The following XKR4 variants were observed in gnomAD, a reference collection of about 807,000 sequenced individuals.
The protein encoded by XKR4 is XK-related protein 4.
In XKR4, 12 loss-of-function variants were observed where a neutral mutation model predicts 53.9. That is an observed-to-expected ratio of 0.22 (90% CI 0.14 to 0.36). XKR4 has a LOEUF of 0.36. Ranked by LOEUF, XKR4 falls within the 10% of genes least tolerant of loss-of-function variation. The probability of loss-of-function intolerance (pLI) is 1.00; values close to 1 mark genes in which losing one functional copy is unlikely to be tolerated. For synonymous variants in XKR4, 354 were observed against 362.4 expected (o/e 0.98, Z 0.26); for missense variants, 799 against 859.5 (o/e 0.93, Z 0.88).
chr8:55,364,839 C>G (rs1803952786), intron 2 of XKR4, among the ~76,000 whole-genome samples: 1 of 152,198 alleles, frequency 6.6e-6, no homozygotes, highest in East Asian at 1.9e-4. Context: ...TCCATGTTGG[C>G]CAGGCTGGTC....
At chr8:55,449,622 T>C (rs1291004491) in intron 2 of XKR4, 1 of 1,062,328 alleles carries the variant, frequency 9.4e-7, no homozygotes, top group African/African-American at 1.6e-5. Flanking sequence ...AAGAAGGCCT[T>C]CTCATCCACG....
intron 1 of XKR4, among the ~76,000 whole-genome samples, chr8:55,243,191 T>C (rs747608176): frequency 2.0e-5 from 3 of 152,176 alleles, no homozygotes; most frequent in Non-Finnish European, 4.4e-5. Context: ...GACACATCAT[T>C]ATCACCCAGA....
chr8:55,205,689 T>C (rs977735788), intron 1 of XKR4, among the ~76,000 whole-genome samples: 5 of 152,216 alleles, frequency 3.3e-5, no homozygotes, highest in Admixed American at 2.0e-4. Context: ...AGTAAAGTTT[T>C]ATATTTGATA....
chr8:55,145,430 C>CAA (rs3048693), intron 1 of XKR4, among the ~76,000 whole-genome samples: 41,745 of 149,686 alleles, frequency 0.28, 5,857 homozygotes, highest in South Asian at 0.36. Flanking sequence ...AATTTTTTCT[C>CAA]AAAAAAAAAA....
intron 2 of XKR4, among the ~76,000 whole-genome samples, chr8:55,409,033 C>T (rs1563343085): frequency 1.3e-5 from 2 of 150,214 alleles, no homozygotes. Flanking sequence ...AAAGGAGCCA[C>T]AGCACCAGGA....
intron 2 of XKR4, among the ~76,000 whole-genome samples, chr8:55,363,358 G>A (rs970149362): frequency 6.6e-6 from 1 of 152,192 alleles, no homozygotes; most frequent in African/African-American, 2.4e-5. Context: ...TGAATACTTC[G>A]TGAAAGGAAA....
chr8:55,334,598 C>G (rs1321543935), intron 1 of XKR4, among the ~76,000 whole-genome samples: 1 of 152,182 alleles, frequency 6.6e-6, no homozygotes, highest in Non-Finnish European at 1.5e-5. Flanking sequence ...CTGGACCCCT[C>G]TCTTCACTCC....
At chr8:55,412,359 G>T (rs1444876060) in intron 2 of XKR4, among the ~76,000 whole-genome samples, 1 of 152,186 alleles carries the variant, frequency 6.6e-6, no homozygotes, top group East Asian at 1.9e-4. Flanking sequence ...TAGCCATCAT[G>T]CCAGTTCATA....
chr8:55,475,663 G>T (rs1406664375), intron 2 of XKR4, among the ~76,000 whole-genome samples: 2 of 151,688 alleles, frequency 1.3e-5, no homozygotes, highest in African/African-American at 4.9e-5. Context: ...GAGTGCAGTG[G>T]CATGATCTTG....
chr8:55,393,769 A>T lies in XKR4; in HGVS notation c.1006+35892A>T, dbSNP rs1585553477. Among the ~76,000 whole-genome samples, 3 of 152,306 alleles carry T rather than the reference A, an allele frequency of 2.0e-5. No individual in the cohort carries two copies. The South Asian group carries it at 6.2e-4, about 32-fold the overall frequency. ...ATAGAAGTTGAGTTGGTAATAATAAACAAACGTCCCTTTTAAAGACATTGA... is the reference window on the plus strand; with the variant it reads ...ATAGAAGTTGAGTTGGTAATAATAATCAAACGTCCCTTTTAAAGACATTGA... On this transcript the variant is annotated intron_variant, in intron 2 of 2. Coordinates refer to ENST00000327381, the MANE Select transcript of XKR4 (RefSeq NM_052898.2).
intron 1 of XKR4, among the ~76,000 whole-genome samples, chr8:55,289,566 A>T (rs1818953542): frequency 8.8e-6 from 1 of 113,590 alleles, no homozygotes; most frequent in South Asian, 3.3e-4. Flanking sequence ...GGAAGGAAGG[A>T]AGGAGAGAGA....
At position 55,102,647 on chromosome 8, in the gene XKR4, C is replaced by A. The variant is rs765550725; in HGVS notation, c.159C>A (p.Gly53=). Residue 53 remains glycine, a synonymous_variant, in exon 1 of 3, where the codon GGC becomes GGA. Coordinates refer to ENST00000327381, the MANE Select transcript of XKR4 (RefSeq NM_052898.2). The surrounding 1 kb of genome is among the most constrained non-coding windows in gnomAD (Gnocchi z 5.1). The stretch of plus-strand genomic sequence containing the variant: ...AGGACGAGGAGGCGGCCGGGGGCGG[C>A]TGCTGCCCGGACGGCGGCGGCTGCT... ...GAEDEEAAGG[G]CCPDGGGCSR... 5.3e-6 allele frequency: 7 copies of A among 1,325,842 alleles called. No individual in the cohort carries two copies. The East Asian group carries it at 1.8e-4, about 34-fold the overall frequency. The allele number at this position is 1,325,842 out of a possible 1,614,324, so 82.1% of individuals were successfully genotyped here.
chr8:55,334,111 C>T (rs1280207840), intron 1 of XKR4, among the ~76,000 whole-genome samples: 1 of 152,006 alleles, frequency 6.6e-6, no homozygotes, highest in Non-Finnish European at 1.5e-5. Flanking sequence ...AATGAAAGAC[C>T]TACTAATTAA....
In XKR4 at chr8:55,526,466, G is replaced by C. The variant is rs1383308591; in HGVS notation, c.*2239G>C. 1 of 152,156 alleles carries C rather than the reference G, an allele frequency of 6.6e-6. No homozygotes were observed. The highest frequency in any genetic ancestry group is 1.5e-5 in the Non-Finnish European group (1 of 68,022). The allele number at this position is 152,156 out of a possible 1,614,324, so 9.4% of individuals were successfully genotyped here. A position where few individuals can be genotyped will look rare whatever the true frequency, so the allele number is the denominator to read the frequency against. On this transcript the variant is annotated 3_prime_UTR_variant, in exon 3 of 3. Transcript: ENST00000327381. ...TGTTGGGATGTGGAAAGATTACCTA[G>C]TCACCAGTAAAGGCCCAGGAAAAGG... is the stretch of plus-strand genomic sequence containing the variant.
chr8:55,257,748 T>C lies in XKR4; in HGVS notation c.807-99930T>C, dbSNP rs555014468. Among the ~76,000 whole-genome samples the C allele has an allele frequency of 4.7e-4, 72 of 152,322 alleles. 1 individual carries two copies. Among genetic ancestry groups the C allele is most frequent in the Non-Finnish European group, 8.8e-4 (60 of 68,024 alleles). On this transcript the variant is annotated intron_variant, in intron 1 of 2. Transcript: ENST00000327381. ...TTGAACTGATACTGTGGCTTTTCACTCTCAAATAAAGGAAACACATTTCCA... is the reference window on the plus strand; with the variant it reads ...TTGAACTGATACTGTGGCTTTTCACCCTCAAATAAAGGAAACACATTTCCA...
intron 1 of XKR4, among the ~76,000 whole-genome samples, chr8:55,221,129 C>A (rs569236071): frequency 6.6e-6 from 1 of 152,284 alleles, no homozygotes; most frequent in South Asian, 2.1e-4. Context: ...GCTGGCCGGC[C>A]AATGTGGAGC....
intron 2 of XKR4, among the ~76,000 whole-genome samples, chr8:55,493,717 A>G (rs1211070898): frequency 6.6e-6 from 1 of 152,204 alleles, no homozygotes; most frequent in Non-Finnish European, 1.5e-5. Flanking sequence ...TGAAAAGTCA[A>G]CCTATATCTG....
chr8:55,137,153 A>C (rs1373627502), intron 1 of XKR4, among the ~76,000 whole-genome samples: 1 of 152,190 alleles, frequency 6.6e-6, no homozygotes, highest in African/African-American at 2.4e-5. Context: ...CTGGGAAGAT[A>C]GCCCAATAAT....
At chr8:55,499,710 G>A (rs996641426) in intron 2 of XKR4, among the ~76,000 whole-genome samples, 3 of 152,186 alleles carry the variant, frequency 2.0e-5, no homozygotes, top group African/African-American at 2.4e-5. Flanking sequence ...AGAGAGAGCC[G>A]TCACACACTA....
Sources: allele counts gnomAD v4.1 joint callset (sites outside exome capture counted in the v4.1 genomes callset), GRCh38; gene constraint gnomAD v4.1.1; non-coding constraint Gnocchi (gnomAD v3.1); transcripts MANE v1.5; gene names NCBI Gene and HGNC (gene_info 2026-07-23, HGNC 2026-07-21).